Variants in PGAM5 observed in about 807,000 individuals in gnomAD.
PGAM5 encodes the protein serine/threonine-protein phosphatase PGAM5, mitochondrial.
Under a neutral mutation model 30.6 loss-of-function variants are expected in PGAM5, and 25 were observed. That is an observed-to-expected ratio of 0.82 (90% CI 0.60 to 1.14). The LOEUF is 1.14. Ranked by LOEUF, PGAM5 falls within the 50% of genes most tolerant of loss-of-function variation. The pLI is 0.00. For missense variants in PGAM5, 384 were observed against 408.5 expected (o/e 0.94, Z 0.52); for synonymous variants, 201 against 179.1 (o/e 1.12, Z -0.98).
chr12:132,717,934 C>T, intron 4 of PGAM5, 53 bp from the exon 5 acceptor site: 1 of 1,608,222 alleles, frequency 6.2e-7, no homozygotes, highest in Non-Finnish European at 8.5e-7. Flanking sequence ...GTCCTCCTGA[C>T]ACCCGCCCTG....
rs1292334787 is a variant in PGAM5 at position 132,720,662 on chromosome 12, C to G, written c.720-16C>G. 3.9e-6 allele frequency: 6 copies of G among 1,532,872 alleles called. No homozygotes were observed. The highest frequency in any genetic ancestry group is 5.2e-6 in the Non-Finnish European group (6 of 1,144,544). 95.0% of individuals were successfully genotyped at this position (1,532,872 alleles called of 1,614,324 possible). On this transcript the variant is annotated splice_polypyrimidine_tract_variant and intron_variant, in intron 5 of 5. Transcript: ENST00000498926. ...TGGCTCTAACGTGCTCTTTCTCTCT[C>G]TCTCTCTCTCCCCAGAGCACTGCAG... is the stretch of plus-strand genomic sequence containing the variant.
intron 1 of PGAM5, among the ~76,000 whole-genome samples, chr12:132,712,675 T>C (rs2043534682): frequency 6.6e-6 from 1 of 151,898 alleles, no homozygotes; most frequent in African/African-American, 2.4e-5. Context: ...AGGCTGGTCT[T>C]GAACTCCCAA....
intron 5 of PGAM5, among the ~76,000 whole-genome samples, chr12:132,720,417 T>C (rs904755766): frequency 5.9e-5 from 9 of 151,896 alleles, no homozygotes; most frequent in Non-Finnish European, 8.8e-5. Flanking sequence ...ACGCCATTCT[T>C]CTGCCTCAGC....
intron 5 of PGAM5, 22 bp from the exon 6 acceptor site, chr12:132,720,654 TTC>T (rs550724872): frequency 6.8e-3 from 8,590 of 1,264,060 alleles, no homozygotes; most frequent in Admixed American, 0.015. Flanking sequence ...AACGTGCTCT[TTC>T]TCTCTCTCTC....
At chr12:132,720,233 CTGTT>C (rs1397217219) in intron 5 of PGAM5, among the ~76,000 whole-genome samples, 1 of 151,590 alleles carries the variant, frequency 6.6e-6, no homozygotes, top group Non-Finnish European at 1.5e-5. Context: ...GGCTCAGCCT[CTGTT>C]TGTAGAACAG....
At chr12:132,711,163 C>G (rs1164122573) in intron 1 of PGAM5, 96 bp downstream of exon 1, 2 of 966,652 alleles carry the variant, frequency 2.1e-6, no homozygotes, top group East Asian at 8.8e-5. Flanking sequence ...AGGTTGCGAT[C>G]GGGTCGGGAT....
In PGAM5 at chr12:132,717,463, GGCTCC is replaced by G; in HGVS notation, c.398_402del (p.Leu133ProfsTer9). On this transcript the variant is annotated frameshift_variant, in exon 3 of 6. Coordinates refer to ENST00000498926, the MANE Select transcript of PGAM5 (RefSeq NM_001170543.2). LOFTEE classifies it high-confidence loss of function. ...GGTCGGGAGCAGGCTGAACTCACTG[GGCTCC>G]GCCTGGCAAGCTTGGGGTTGAAGTT... 6.2e-7 allele frequency: 1 copy of G among 1,609,060 alleles called. No homozygotes were observed. Among genetic ancestry groups the G allele is most frequent in the Non-Finnish European group, 8.5e-7 (1 of 1,179,894 alleles).
Position 132,717,538 on chromosome 12 carries a change from CCGA to C in PGAM5, c.471_473del (p.Asp158del). 1 of 1,610,830 alleles carries C rather than the reference CCGA, an allele frequency of 6.2e-7. No individual in the cohort carries two copies. The highest frequency in any genetic ancestry group is 8.5e-7 in the Non-Finnish European group (1 of 1,179,906). ...TCTATGACGCGCGCCATAGAGACCA[CCGA>C]TATCATCAGCCGGCACCTGCCAGGT... On this transcript the variant is annotated inframe_deletion, in exon 3 of 6. Coordinates refer to ENST00000498926, the MANE Select transcript of PGAM5 (RefSeq NM_001170543.2).
At chr12:132,715,897 A>C (rs936119141) in intron 2 of PGAM5, among the ~76,000 whole-genome samples, 6 of 152,184 alleles carry the variant, frequency 3.9e-5, no homozygotes. Flanking sequence ...AAAGCCCTTA[A>C]CTTTTAGCAA....
In PGAM5 at chr12:132,710,862, G is replaced by T; in HGVS notation, c.-15G>T. 8.9e-7 allele frequency: 1 copy of T among 1,121,822 alleles called. No homozygotes were observed. Among genetic ancestry groups the T allele is most frequent in the South Asian group, 4.3e-5 (1 of 23,176 alleles). The allele number at this position is 1,121,822 out of a possible 1,614,324, so 69.5% of individuals were successfully genotyped here. A position where few individuals can be genotyped will look rare whatever the true frequency, so the allele number is the denominator to read the frequency against. ...GCCGTGGGCGCCTGCGCGGGCCGGC[G>T]CGGGAGCAAGCGGCATGGCGTTCCG... On this transcript the variant is annotated 5_prime_UTR_variant, in exon 1 of 6. Coordinates refer to ENST00000498926, the MANE Select transcript of PGAM5 (RefSeq NM_001170543.2).
chr12:132,715,671 G>A (rs1257721107), intron 2 of PGAM5, among the ~76,000 whole-genome samples: 1 of 151,970 alleles, frequency 6.6e-6, no homozygotes, highest in East Asian at 1.9e-4. Context: ...CTGAGGTCAG[G>A]AGTTCGAGAC....
rs776740354 is a variant in PGAM5 at position 132,717,809 on chromosome 12, C to A, written c.585+11C>A. The A allele has an allele frequency of 1.3e-5, 21 of 1,578,540 alleles. No homozygotes were observed. The South Asian group carries it at 2.4e-4, about 18-fold the overall frequency. ...AAGCCGGAAGCTGTGGTAAAAACCT[C>A]CCCGGGGGGCAGCTGTGTCACCCTC... On this transcript the variant is annotated intron_variant, in intron 4 of 5. Transcript: ENST00000498926.
intron 2 of PGAM5, 109 bp from the exon 3 acceptor site, chr12:132,717,330 G>A: frequency 7.8e-7 from 1 of 1,281,716 alleles, no homozygotes; most frequent in South Asian, 1.4e-5. Flanking sequence ...GCGGGCGGAG[G>A]AGGGGGTGTT....
At position 132,721,947 on chromosome 12, in the gene PGAM5, AG is replaced by A. The variant is rs370375759; in HGVS notation, c.*1120del. 5.9e-5 allele frequency: 9 copies of A among 151,758 alleles called. No homozygotes were observed. The highest frequency in any genetic ancestry group is 2.2e-4 in the African/African-American group (9 of 41,080). The allele number at this position is 151,758 out of a possible 1,614,324, so 9.4% of individuals were successfully genotyped here. On this transcript the variant is annotated 3_prime_UTR_variant, in exon 6 of 6. Transcript: ENST00000498926. Reference sequence around the variant, plus strand: ...CATCTGGGTTTTTGCTTTGAAAACAAGTTTCTCCAAATTTACAGATTTCCTG... The same window carrying A: ...CATCTGGGTTTTTGCTTTGAAAACAATTTCTCCAAATTTACAGATTTCCTG...
intron 5 of PGAM5, among the ~76,000 whole-genome samples, chr12:132,718,323 T>G (rs2136085886): frequency 1.4e-5 from 2 of 143,090 alleles, no homozygotes; most frequent in East Asian, 4.2e-4. Context: ...AAGGCTGTTT[T>G]GGGCAAGGGT....
At position 132,714,927 on chromosome 12, in the gene PGAM5, C is replaced by G; in HGVS notation, c.261C>G (p.Ser87=). The G allele has an allele frequency of 6.2e-7, 1 of 1,613,696 alleles. No individual in the cohort carries two copies. The highest frequency in any genetic ancestry group is 1.3e-5 in the African/African-American group (1 of 75,056). ...AATCTGGGGAAGAAGAGCTGGCGTC[C>G]AAGCTGGACCACTACAAAGCCAAGG... is the stretch of plus-strand genomic sequence containing the variant. ...NVESGEEELA[S]KLDHYKAKAT... The change falls in exon 2 of 6, where the codon TCC becomes TCG. Residue 87 remains serine, a synonymous_variant. Coordinates refer to ENST00000498926, the MANE Select transcript of PGAM5 (RefSeq NM_001170543.2).
At chr12:132,715,388 C>CG (rs760727094) in intron 2 of PGAM5, among the ~76,000 whole-genome samples, 1 of 139,158 alleles carries the variant, frequency 7.2e-6, no homozygotes, top group Non-Finnish European at 1.6e-5. Flanking sequence ...CTGGCCAACC[C>CG]GGCAAAACCC....
In PGAM5 at chr12:132,717,759, GC is replaced by G; in HGVS notation, c.548del (p.Pro183GlnfsTer81). On this transcript the variant is annotated frameshift_variant, in exon 4 of 6. Coordinates refer to ENST00000498926, the MANE Select transcript of PGAM5 (RefSeq NM_001170543.2). LOFTEE classifies it high-confidence loss of function. Reference sequence around the variant, plus strand: ...TGCTGCGGGAAGGCGCCCCCATCGAGCCAGACCCGCCCGTGTCTCATTGGAA... The same window carrying G: ...TGCTGCGGGAAGGCGCCCCCATCGAGCAGACCCGCCCGTGTCTCATTGGAA... ...DLLREGAPIE[P>X]DPPVSHWKPE... 1 of 1,586,630 alleles carries G rather than the reference GC, an allele frequency of 6.3e-7. No individual in the cohort carries two copies. The highest frequency in any genetic ancestry group is 8.6e-7 in the Non-Finnish European group (1 of 1,166,768).
At chr12:132,713,549 G>A (rs1046671496) in intron 1 of PGAM5, among the ~76,000 whole-genome samples, 5 of 152,146 alleles carry the variant, frequency 3.3e-5, no homozygotes, top group Admixed American at 6.5e-5. Flanking sequence ...CCAGGTCGGC[G>A]TGGCCCAAAC....
Sources: gnomAD v4.1 joint callset for allele counts (sites outside exome capture counted in the v4.1 genomes callset) on GRCh38, gnomAD v4.1.1 for gene constraint, MANE v1.5 for transcripts, NCBI Gene and HGNC (gene_info 2026-07-23, HGNC 2026-07-21) for gene names.